The following XKR6 variants were observed in gnomAD, a reference collection of about 807,000 sequenced individuals.
XKR6 encodes the protein XK related 6.
Under a neutral mutation model 56.7 loss-of-function variants are expected in XKR6, and 22 were observed. That is an observed-to-expected ratio of 0.39 (90% CI 0.28 to 0.55). XKR6 has a LOEUF of 0.55. Ranked by LOEUF, XKR6 falls within the 20% of genes least tolerant of loss-of-function variation. The pLI is 0.66. For synonymous variants in XKR6, 524 were observed against 387.8 expected (o/e 1.35, Z -4.13); for missense variants, 852 against 889.0 (o/e 0.96, Z 0.53).
chr8:11,016,790 C>T (rs10105947), intron 1 of XKR6, among the ~76,000 whole-genome samples: 2 of 152,238 alleles, frequency 1.3e-5, no homozygotes, highest in Non-Finnish European at 2.9e-5. Context: ...CTTGCTCCCC[C>T]ACCACTCTTC....
At chr8:11,153,721 AG>A (rs1742107763) in intron 1 of XKR6, among the ~76,000 whole-genome samples, 1 of 152,208 alleles carries the variant, frequency 6.6e-6, no homozygotes, top group South Asian at 2.1e-4. Flanking sequence ...TGAATATCTC[AG>A]TAATGAGATC....
intron 1 of XKR6, among the ~76,000 whole-genome samples, chr8:11,087,994 A>G (rs941351050): frequency 5.3e-5 from 8 of 152,232 alleles, no homozygotes; most frequent in African/African-American, 1.9e-4. Context: ...TGTTGAAAAC[A>G]TAAAGTATTG....
chr8:11,035,257 G>T (rs567350476), intron 1 of XKR6: 1 of 534,762 alleles, frequency 1.9e-6, no homozygotes, highest in African/African-American at 1.9e-5. Context: ...CCCATTTCCA[G>T]CTCACACCAT....
chr8:10,982,889 C>A (rs1797766326), intron 1 of XKR6, among the ~76,000 whole-genome samples: 1 of 152,164 alleles, frequency 6.6e-6, no homozygotes, highest in African/African-American at 2.4e-5. Flanking sequence ...CCAAGGGCAC[C>A]AGGGACAGCT....
At chr8:10,958,452 G>A (rs776257298) in intron 1 of XKR6, among the ~76,000 whole-genome samples, 21 of 152,340 alleles carry the variant, frequency 1.4e-4, no homozygotes, top group Admixed American at 2.6e-4. Context: ...TCCCAGGAGG[G>A]CCCACATCCA....
intron 1 of XKR6, among the ~76,000 whole-genome samples, chr8:11,031,774 G>A (rs1798999507): frequency 6.6e-6 from 1 of 152,246 alleles, no homozygotes; most frequent in South Asian, 2.1e-4. Context: ...ACGTGACAGT[G>A]AAACTAGGAC....
At chr8:11,172,348 C>T (rs1586649423) in intron 1 of XKR6, among the ~76,000 whole-genome samples, 2 of 152,060 alleles carry the variant, frequency 1.3e-5, no homozygotes, top group South Asian at 4.2e-4. Flanking sequence ...TCAGCCTGGT[C>T]GACAGACCCT....
chr8:11,195,437 A>G (rs1249745448), intron 1 of XKR6, among the ~76,000 whole-genome samples: 1 of 152,164 alleles, frequency 6.6e-6, no homozygotes, highest in Non-Finnish European at 1.5e-5. Flanking sequence ...TCACTAACAT[A>G]TCAATATATG....
chr8:11,066,755 C>G (rs554929545), intron 1 of XKR6: 1 of 152,322 alleles, frequency 6.6e-6, no homozygotes, highest in East Asian at 1.9e-4. Flanking sequence ...AGCTGAGGCT[C>G]AAGCAGCTCA....
chr8:10,918,086 C>G (rs1800610095), intron 2 of XKR6, among the ~76,000 whole-genome samples: 1 of 152,208 alleles, frequency 6.6e-6, no homozygotes, highest in Non-Finnish European at 1.5e-5. Context: ...AAGTCTTTCT[C>G]TGGATAAGCT....
rs888008351 is a variant in XKR6, at chr8:11,066,618, C to G, written c.764+133958G>C. Among the ~76,000 whole-genome samples, 4 of 152,202 alleles carry G rather than the reference C, an allele frequency of 2.6e-5. No individual in the cohort carries two copies. The South Asian group carries it at 6.2e-4, about 24-fold the overall frequency. On this transcript the variant is annotated intron_variant, in intron 1 of 2. Transcript: ENST00000416569. ...TCCCACAGTCTGCTTGACCAGCTCA[C>G]GAGGCCAGTCCTGAGGAAAGCTTTT...
chr8:11,102,404 TTTAC>T (rs1798517221), intron 1 of XKR6, among the ~76,000 whole-genome samples: 2 of 152,108 alleles, frequency 1.3e-5, no homozygotes, highest in South Asian at 2.1e-4. Flanking sequence ...AAATAAAGAA[TTTAC>T]TTAAACATTA....
In XKR6 at chr8:10,897,833, G is replaced by A; in HGVS notation, c.*119C>T. The A allele has an allele frequency of 7.8e-7, 1 of 1,278,310 alleles. No individual in the cohort carries two copies. The highest frequency in any genetic ancestry group is 2.6e-5 in the Admixed American group (1 of 38,516). 79.2% of individuals were successfully genotyped at this position (1,278,310 alleles called of 1,614,324 possible). A position where few individuals can be genotyped will look rare whatever the true frequency, so the allele number is the denominator to read the frequency against. ...TTGTAGTGGTGGTGTTGGTGTGGCG[G>A]TGTTGGTGGTGGTGGCGGTGGTTCT... On this transcript the variant is annotated 3_prime_UTR_variant, in exon 3 of 3. Transcript: ENST00000416569.
chr8:11,173,902 G>A (rs1802515129), intron 1 of XKR6, among the ~76,000 whole-genome samples: 1 of 152,158 alleles, frequency 6.6e-6, no homozygotes, highest in Admixed American at 6.5e-5. Context: ...ACGGGACACA[G>A]TGGGAAAAAA....
At chr8:11,143,140 AAATT>A (rs1234089672) in intron 1 of XKR6, among the ~76,000 whole-genome samples, 2 of 152,224 alleles carry the variant, frequency 1.3e-5, no homozygotes, top group Non-Finnish European at 2.9e-5. Context: ...AATCCTTAAT[AAATT>A]AATAAATCTA....
intron 1 of XKR6, among the ~76,000 whole-genome samples, chr8:11,097,040 C>G (rs959952825): frequency 2.0e-5 from 3 of 152,280 alleles, no homozygotes; most frequent in Non-Finnish European, 2.9e-5. Context: ...TCAGTTCCAT[C>G]CAGAAGATGG....
chr8:11,049,051 T>C (rs919277051), intron 1 of XKR6, among the ~76,000 whole-genome samples: 3 of 152,242 alleles, frequency 2.0e-5, no homozygotes, highest in Non-Finnish European at 4.4e-5. Flanking sequence ...GGTGGTATTC[T>C]GGAGGTCACC....
Position 11,088,025 on chromosome 8 carries a change from G to T in XKR6, c.764+112551C>A, listed in dbSNP as rs932947580. On this transcript the variant is annotated intron_variant, in intron 1 of 2. Coordinates refer to ENST00000416569, the MANE Select transcript of XKR6 (RefSeq NM_173683.4). Reference sequence around the variant, plus strand: ...TATTGCCACTGTCAGATTGAAAATTGTTTTCCAGGAATGTAGTAGGAAGAA... The same window carrying T: ...TATTGCCACTGTCAGATTGAAAATTTTTTTCCAGGAATGTAGTAGGAAGAA... Among the ~76,000 whole-genome samples, 56 of 152,184 alleles carry T rather than the reference G, an allele frequency of 3.7e-4. 1 individual carries two copies. Among genetic ancestry groups the T allele is most frequent in the African/African-American group, 1.2e-3 (51 of 41,452 alleles).
At chr8:10,965,538 G>A (rs1281673220) in intron 1 of XKR6, among the ~76,000 whole-genome samples, 3 of 152,184 alleles carry the variant, frequency 2.0e-5, no homozygotes, top group South Asian at 2.1e-4. Flanking sequence ...CATACTCATC[G>A]TACATGAGCT....
Sources: gnomAD v4.1 joint callset for allele counts (sites outside exome capture counted in the v4.1 genomes callset) on GRCh38, gnomAD v4.1.1 for gene constraint, MANE v1.5 for transcripts, NCBI Gene and HGNC (gene_info 2026-07-23, HGNC 2026-07-21) for gene names.